The following STX7 variants were observed in gnomAD, a reference collection of about 807,000 sequenced individuals.
STX7 encodes the protein syntaxin 7, also known as syntaxin-7.
STX7 carries 34 observed loss-of-function variants against 39.6 expected under a neutral mutation model. That is an observed-to-expected ratio of 0.86 (90% confidence interval 0.65 to 1.14). STX7 has a LOEUF of 1.14. Among genes scored for constraint, STX7 ranks in the 50% most tolerant of loss-of-function variants. The pLI is 0.00. For missense variants in STX7, 284 were observed against 310.4 expected, an observed-to-expected ratio of 0.92 and a Z score of 0.64; for synonymous variants, 119 against 99.1, an observed-to-expected ratio of 1.20 and a Z score of -1.19.
Position 132,460,781 on chromosome 6 carries a change from T to G in STX7, c.763A>C (p.Ile255Leu). Residue 255 changes from isoleucine (I) to leucine (L), a missense_variant, in exon 10 of 10, where the codon ATC becomes CTC. By Grantham distance (5) the Ile-to-Leu change is conservative. Coordinates refer to ENST00000367941, the MANE Select transcript of STX7 (RefSeq NM_003569.3). Reference protein sequence around the residue: ...LVIGVAIISLIIWGLNH With the variant: ...LVIGVAIISLLIWGLNH ...CTTCAGTGGTTCAATCCCCATATGA[T>G]GAGACTGATAATCGCAACTCCAATG... 2.5e-6 allele frequency: 4 copies of G among 1,613,614 alleles called. No homozygotes were observed.
intron 9 of STX7, among the ~76,000 whole-genome samples, chr6:132,462,217 G>C (rs1774425353): frequency 6.6e-6 from 1 of 152,178 alleles, no homozygotes; most frequent in Non-Finnish European, 1.5e-5. Context: ...AAGTGAACTT[G>C]AATTTCTCAC....
chr6:132,501,273 C>G (rs1383918273), intron 2 of STX7, among the ~76,000 whole-genome samples: 2 of 152,062 alleles, frequency 1.3e-5, no homozygotes, highest in South Asian at 4.1e-4. Flanking sequence ...AGGCTGGTCT[C>G]GAACTCCTGA....
chr6:132,473,493 T>G (rs1410552404), intron 3 of STX7, among the ~76,000 whole-genome samples: 2 of 149,730 alleles, frequency 1.3e-5, no homozygotes, highest in African/African-American at 4.9e-5. Flanking sequence ...TATTTTATAG[T>G]TCAGTTTTTT....
chr6:132,473,684 T>C (rs1376829503), intron 3 of STX7, among the ~76,000 whole-genome samples: 3 of 152,170 alleles, frequency 2.0e-5, no homozygotes, highest in East Asian at 3.9e-4. Flanking sequence ...AAAGCTCATA[T>C]TAATTGTGAT....
upstream of STX7, among the ~76,000 whole-genome samples, chr6:132,513,388 A>G (rs574461654): frequency 5.9e-5 from 9 of 152,350 alleles, no homozygotes; most frequent in East Asian, 1.9e-4. Context: ...ACCCCGCCCC[A>G]TTAGCTCTTG....
chr6:132,478,851 C>T (rs1774941417), intron 2 of STX7, among the ~76,000 whole-genome samples: 1 of 152,290 alleles, frequency 6.6e-6, no homozygotes, highest in African/African-American at 2.4e-5. Flanking sequence ...GATGGGACAT[C>T]AGCGAGCCTT....
At chr6:132,466,164 T>C (rs929352575) in intron 8 of STX7, among the ~76,000 whole-genome samples, 2 of 152,208 alleles carry the variant, frequency 1.3e-5, no homozygotes, top group Admixed American at 6.5e-5. Context: ...ACAGCTCGTA[T>C]TGAGGTCACC....
chr6:132,487,059 G>GT (rs1218399261), intron 2 of STX7, among the ~76,000 whole-genome samples: 3 of 152,180 alleles, frequency 2.0e-5, no homozygotes, highest in Non-Finnish European at 2.9e-5. Context: ...TTTTGGAACA[G>GT]TTTGTGTACA....
intron 2 of STX7, among the ~76,000 whole-genome samples, chr6:132,479,945 G>T (rs1282609428): frequency 6.6e-6 from 1 of 152,148 alleles, no homozygotes; most frequent in Admixed American, 6.6e-5. Flanking sequence ...ATGTGCCGTT[G>T]TTGAGGGTTG....
In STX7 at chr6:132,449,623, TA is replaced by T. The variant is rs1554245007; in HGVS notation, c.*11134del. ...TGTTGTTTCCTCAGTTAAAACTTGATAGTCAACAATTCCTTTAGTTGTGGTG... is the reference window on the plus strand; with the variant it reads ...TGTTGTTTCCTCAGTTAAAACTTGATGTCAACAATTCCTTTAGTTGTGGTG... On this transcript the variant is annotated 3_prime_UTR_variant, in exon 10 of 10. Transcript: ENST00000367941. 6.6e-6 allele frequency: 1 copy of T among 152,212 alleles called. No individual in the cohort carries two copies. The highest frequency in any genetic ancestry group is 1.5e-5 in the Non-Finnish European group (1 of 68,026). The allele number at this position is 152,212 out of a possible 1,614,324, so 9.4% of individuals were successfully genotyped here. A position where few individuals can be genotyped will look rare whatever the true frequency, so the allele number is the denominator to read the frequency against.
chr6:132,477,223 C>A lies in STX7; in HGVS notation c.86-1561G>T, dbSNP rs140284753. Among the ~76,000 whole-genome samples, 7 of 152,038 alleles carry A rather than the reference C, an allele frequency of 4.6e-5. No homozygotes were observed. In the East Asian group the frequency reaches 1.3e-3, roughly 29 times the overall value. The stretch of plus-strand genomic sequence containing the variant: ...CATAAGACAAACAAATTTTGTTTGC[C>A]GTGTTTAACTTATGGCTGCTTATAA... On this transcript the variant is annotated intron_variant, in intron 2 of 9. Transcript: ENST00000367941.
In STX7 at chr6:132,478,724, T is replaced by C. The variant is rs543677761; in HGVS notation, c.86-3062A>G. Reference sequence around the variant, plus strand: ...GCACTGTTCCTCAAAATGTGATGGATTTACTACAACAGAGCATCACAATCT... The same window carrying C: ...GCACTGTTCCTCAAAATGTGATGGACTTACTACAACAGAGCATCACAATCT... On this transcript the variant is annotated intron_variant, in intron 2 of 9. Coordinates refer to ENST00000367941, the MANE Select transcript of STX7 (RefSeq NM_003569.3). Among the ~76,000 whole-genome samples, 93 of 152,306 alleles carry C rather than the reference T, an allele frequency of 6.1e-4. 1 individual carries two copies. In the Middle Eastern group the frequency reaches 0.01, roughly 17 times the overall value.
intron 2 of STX7, among the ~76,000 whole-genome samples, chr6:132,482,583 G>A (rs563508882): frequency 6.6e-6 from 1 of 152,306 alleles, no homozygotes; most frequent in South Asian, 2.1e-4. Flanking sequence ...AGGACTGAAA[G>A]TAAAAGATGT....
rs760131896 is a variant in STX7 at position 132,468,408 on chromosome 6, A to C, written c.605T>G (p.Val202Gly). 2 of 1,608,874 alleles carry C rather than the reference A, an allele frequency of 1.2e-6. No homozygotes were observed. Among genetic ancestry groups the C allele is most frequent in the Non-Finnish European group, 1.7e-6 (2 of 1,176,910 alleles). Residue 202 changes from valine (V) to glycine (G), a missense_variant, in exon 8 of 10, where the codon GTA (valine) becomes GGA (glycine). Coordinates refer to ENST00000367941, the MANE Select transcript of STX7 (RefSeq NM_003569.3). The part of the protein sequence containing the change: ...LGMMIHEQGD[V>G]IDSIEANVEN... ...TCTAAGTCAGCAGGTCTTACCTATT[A>C]CATCTCCTTGTTCATGAATCATCAT...
intron 2 of STX7, among the ~76,000 whole-genome samples, chr6:132,489,594 C>T (rs1320364252): frequency 6.6e-6 from 1 of 152,126 alleles, no homozygotes; most frequent in Non-Finnish European, 1.5e-5. Context: ...ATCCAAACTG[C>T]AGAGACGAGA....
chr6:132,505,751 A>AAAAC (rs1554252670), intron 1 of STX7, among the ~76,000 whole-genome samples: 3 of 148,730 alleles, frequency 2.0e-5, no homozygotes, highest in South Asian at 2.1e-4. Flanking sequence ...AAAAAAAAAA[A>AAAAC]AAAAAAAAAA....
chr6:132,487,291 TG>T (rs1775160819), intron 2 of STX7, among the ~76,000 whole-genome samples: 1 of 152,186 alleles, frequency 6.6e-6, no homozygotes, highest in Non-Finnish European at 1.5e-5. Flanking sequence ...CTCTCTTAAT[TG>T]CAGCCATAAA....
intron 9 of STX7, among the ~76,000 whole-genome samples, chr6:132,461,155 G>A (rs913430188): frequency 1.1e-4 from 17 of 152,128 alleles, no homozygotes; most frequent in Admixed American, 1.1e-3. Flanking sequence ...ATAAGTTACT[G>A]ACTTAAACAA....
intron 2 of STX7, among the ~76,000 whole-genome samples, chr6:132,488,053 T>C (rs1775182850): frequency 1.3e-5 from 2 of 152,198 alleles, no homozygotes; most frequent in Non-Finnish European, 1.5e-5. Flanking sequence ...ACTGAGTTAA[T>C]ACCATCCAAC....
Sources: gnomAD v4.1 joint callset for allele counts (sites outside exome capture counted in the v4.1 genomes callset) on GRCh38, gnomAD v4.1.1 for gene constraint, MANE v1.5 for transcripts, NCBI Gene and HGNC (gene_info 2026-07-23, HGNC 2026-07-21) for gene names.